ZNF804B: variants seen among roughly 807,000 people sequenced by gnomAD.
ZNF804B encodes zinc finger protein 804B, also known as zinc finger 804B.
A neutral mutation model predicts 101.4 loss-of-function variants in ZNF804B; 80 were observed. The observed-to-expected ratio is 0.79, with a 90% CI of 0.66 to 0.95. The LOEUF (loss-of-function observed/expected upper bound fraction) is 0.95, where lower values mean the gene tolerates loss of function less well. Among genes scored for constraint, ZNF804B ranks in the 40% least tolerant of loss-of-function variants. The probability of loss-of-function intolerance (pLI) is 0.00; values close to 1 mark genes in which losing one functional copy is unlikely to be tolerated. For synonymous variants in ZNF804B, 622 were observed against 558.8 expected (o/e 1.11, Z -1.59); for missense variants, 1,673 against 1,561.9 (o/e 1.07, Z -1.20).
chr7:88,819,411 G>A (rs1044618818), intron 1 of ZNF804B, among the ~76,000 whole-genome samples: 59 of 152,250 alleles, frequency 3.9e-4, no homozygotes, highest in African/African-American at 1.4e-3. Context: ...AATTACAGGT[G>A]TGAGCCACCG....
At chr7:89,258,505 C>T (rs1479671126) in intron 2 of ZNF804B, among the ~76,000 whole-genome samples, 1 of 151,982 alleles carries the variant, frequency 6.6e-6, no homozygotes, top group Non-Finnish European at 1.5e-5. Flanking sequence ...ATGGTTATTC[C>T]ATAAGCTGCA....
chr7:88,764,906 GA>G (rs1789957658), intron 1 of ZNF804B, among the ~76,000 whole-genome samples: 2 of 152,108 alleles, frequency 1.3e-5, no homozygotes, highest in African/African-American at 4.8e-5. Flanking sequence ...TTTCAATAAA[GA>G]CGACTTAGTT....
At chr7:88,821,565 G>C (rs1790981714) in intron 1 of ZNF804B, among the ~76,000 whole-genome samples, 1 of 152,264 alleles carries the variant, frequency 6.6e-6, no homozygotes, top group East Asian at 1.9e-4. Context: ...CCACGTGCAA[G>C]GTTATTGTAA....
intron 1 of ZNF804B, among the ~76,000 whole-genome samples, chr7:88,803,469 A>T (rs10487037): frequency 1.3e-5 from 2 of 152,038 alleles, no homozygotes; most frequent in South Asian, 2.1e-4. Context: ...AAGAATTTGC[A>T]CCAGTTGGAT....
intron 1 of ZNF804B, among the ~76,000 whole-genome samples, chr7:88,896,922 G>A (rs1233547794): frequency 6.6e-6 from 1 of 152,202 alleles, no homozygotes; most frequent in Non-Finnish European, 1.5e-5. Context: ...AATGCTCATA[G>A]TGATAATAAT....
intron 1 of ZNF804B, among the ~76,000 whole-genome samples, chr7:89,209,549 ACT>A (rs1788771775): frequency 6.6e-6 from 1 of 152,180 alleles, no homozygotes; most frequent in Non-Finnish European, 1.5e-5. Context: ...CTTTAGGAAA[ACT>A]CTTCAATATG....
At chr7:88,785,880 T>G (rs1790294528) in intron 1 of ZNF804B, among the ~76,000 whole-genome samples, 1 of 152,158 alleles carries the variant, frequency 6.6e-6, no homozygotes, top group East Asian at 1.9e-4. Context: ...GTGTCTTTGT[T>G]CTCTTAGAGG....
intron 1 of ZNF804B, among the ~76,000 whole-genome samples, chr7:89,146,460 G>A (rs1790792186): frequency 6.6e-6 from 1 of 152,020 alleles, no homozygotes; most frequent in African/African-American, 2.4e-5. Context: ...GCTGGAAGTA[G>A]CTTCCCTGTT....
intron 1 of ZNF804B, among the ~76,000 whole-genome samples, chr7:89,095,670 A>T (rs535702135): frequency 6.6e-6 from 1 of 152,224 alleles, no homozygotes; most frequent in South Asian, 2.1e-4. Context: ...CGTAAAACTA[A>T]ATTATCAGAT....
chr7:89,225,187 G>C (rs553458724), intron 2 of ZNF804B, among the ~76,000 whole-genome samples: 1 of 152,158 alleles, frequency 6.6e-6, no homozygotes, highest in African/African-American at 2.4e-5. Flanking sequence ...GCCACTATCA[G>C]TGGGGGTGTA....
chr7:88,965,245 G>T (rs779017468), intron 1 of ZNF804B, among the ~76,000 whole-genome samples: 1 of 151,228 alleles, frequency 6.6e-6, no homozygotes, highest in Non-Finnish European at 1.5e-5. Context: ...CATTATAATG[G>T]AGTGAAATCA....
chr7:88,855,959 T>A (rs889501913), intron 1 of ZNF804B, among the ~76,000 whole-genome samples: 26 of 152,328 alleles, frequency 1.7e-4, no homozygotes, highest in African/African-American at 5.8e-4. Flanking sequence ...GTTCCATTGA[T>A]CTATATCTCT....
chr7:89,049,483 C>T (rs1336766912), intron 1 of ZNF804B, among the ~76,000 whole-genome samples: 5 of 152,114 alleles, frequency 3.3e-5, no homozygotes, highest in African/African-American at 1.2e-4. Context: ...TGAATACTTA[C>T]ACCACAGAAA....
intron 1 of ZNF804B, among the ~76,000 whole-genome samples, chr7:88,951,711 T>C (rs976070419): frequency 1.3e-5 from 2 of 151,832 alleles, no homozygotes; most frequent in East Asian, 3.9e-4. Context: ...TTTATGGAGA[T>C]GAGCAAAATG....
chr7:88,886,365 C>A (rs1250618070), intron 1 of ZNF804B, among the ~76,000 whole-genome samples: 1 of 151,946 alleles, frequency 6.6e-6, no homozygotes, highest in Non-Finnish European at 1.5e-5. Context: ...GGGCTTAATA[C>A]CTGGGTGATG....
chr7:89,180,949 G>A (rs905512983), intron 1 of ZNF804B, among the ~76,000 whole-genome samples: 3 of 150,776 alleles, frequency 2.0e-5, no homozygotes, highest in African/African-American at 7.3e-5. Flanking sequence ...GAGATGGGGA[G>A]TCACCCTCTG....
chr7:89,046,781 C>T (rs1789114490), intron 1 of ZNF804B, among the ~76,000 whole-genome samples: 1 of 151,800 alleles, frequency 6.6e-6, no homozygotes, highest in Admixed American at 6.6e-5. Context: ...TGGAGATACC[C>T]TATTACTTAT....
chr7:88,771,935 A>G (rs1790071455), intron 1 of ZNF804B, among the ~76,000 whole-genome samples: 1 of 152,142 alleles, frequency 6.6e-6, no homozygotes, highest in Non-Finnish European at 1.5e-5. Flanking sequence ...TCTCACAAAA[A>G]TGAAATTTAT....
At chr7:89,280,058 C>G (rs1017027758) in intron 2 of ZNF804B, among the ~76,000 whole-genome samples, 12 of 152,152 alleles carry the variant, frequency 7.9e-5, no homozygotes, top group Non-Finnish European at 1.5e-4. Flanking sequence ...AACAAACTAT[C>G]TCTCAGACCA....
Sources: allele counts gnomAD v4.1 joint callset (sites outside exome capture counted in the v4.1 genomes callset), GRCh38; gene constraint gnomAD v4.1.1; transcripts MANE v1.5; gene names NCBI Gene and HGNC (gene_info 2026-07-23, HGNC 2026-07-21).